The following NPTXR variants were observed in gnomAD, a reference collection of about 807,000 sequenced individuals.
The protein encoded by NPTXR is neuronal pentraxin receptor.
Under a neutral mutation model 32.2 loss-of-function variants are expected in NPTXR, and 12 were observed. That is an observed-to-expected ratio of 0.37 (90% CI 0.24 to 0.60). NPTXR has a LOEUF of 0.60. NPTXR is among the 20% of genes least tolerant of loss of function. The pLI is 0.66. For synonymous variants in NPTXR, 323 were observed against 315.8 expected (o/e 1.02, Z -0.24); for missense variants, 612 against 682.9 (o/e 0.90, Z 1.16).
In NPTXR at chr22:38,819,941, A is replaced by G. The variant is rs560600605; in HGVS notation, c.*2668T>C. Reference sequence around the variant, plus strand: ...ACAAGGCTTGGACGTCAGAGGTCTCATCTTCACTGTGACAAAGCATAAAGG... The same window carrying G: ...ACAAGGCTTGGACGTCAGAGGTCTCGTCTTCACTGTGACAAAGCATAAAGG... On this transcript the variant is annotated 3_prime_UTR_variant, in exon 5 of 5. Coordinates refer to ENST00000333039, the MANE Select transcript of NPTXR (RefSeq NM_014293.4). The G allele has an allele frequency of 5.9e-5, 9 of 152,768 alleles. No individual in the cohort carries two copies. Among genetic ancestry groups the G allele is most frequent in the African/African-American group, 2.2e-4 (9 of 41,568 alleles). 9.5% of individuals were successfully genotyped at this position (152,768 alleles called of 1,614,324 possible). A position where few individuals can be genotyped will look rare whatever the true frequency, so the allele number is the denominator to read the frequency against.
chr22:38,843,516 C>T lies in NPTXR; in HGVS notation c.343G>A (p.Ala115Thr). The change falls in exon 1 of 5, where the codon GCT becomes ACT. Residue 115 changes from alanine to threonine, a missense_variant. Transcript: ENST00000333039. This position sits in a 1 kb window ranked among gnomAD's most constrained non-coding sequence, Gnocchi z 5.3. ...AGCTCTTCGCGCTCGCCCGGCGCAG[C>T]GCCCGCCGCGTCCCCCTGCTGGGCC... 1 of 1,270,916 alleles carries T rather than the reference C, an allele frequency of 7.9e-7. No homozygotes were observed. Among genetic ancestry groups the T allele is most frequent in the Non-Finnish European group, 9.9e-7 (1 of 1,009,944 alleles). The allele number at this position is 1,270,916 out of a possible 1,614,324, so 78.7% of individuals were successfully genotyped here. A position where few individuals can be genotyped will look rare whatever the true frequency, so the allele number is the denominator to read the frequency against.
At chr22:38,824,540 T>C (rs1424097105) in intron 3 of NPTXR, among the ~76,000 whole-genome samples, 1 of 152,058 alleles carries the variant, frequency 6.6e-6, no homozygotes, top group African/African-American at 2.4e-5. Flanking sequence ...GGACAATGGA[T>C]CCACCATTCC....
intron 1 of NPTXR, among the ~76,000 whole-genome samples, chr22:38,838,192 C>A (rs1317860017): frequency 6.6e-6 from 1 of 151,870 alleles, no homozygotes; most frequent in Non-Finnish European, 1.5e-5. Flanking sequence ...AAGCATGTTT[C>A]GGGCGTATCT....
chr22:38,833,984 C>T (rs2054096305), intron 1 of NPTXR, among the ~76,000 whole-genome samples: 1 of 152,108 alleles, frequency 6.6e-6, no homozygotes, highest in Admixed American at 6.6e-5. Flanking sequence ...AGTATTTATG[C>T]CTTTTTGCCC....
At chr22:38,831,375 C>G (rs1309751335) in intron 1 of NPTXR, among the ~76,000 whole-genome samples, 1 of 152,144 alleles carries the variant, frequency 6.6e-6, no homozygotes, top group East Asian at 1.9e-4. Flanking sequence ...CCACTGCACT[C>G]CAGCCTGAGC....
In NPTXR at chr22:38,843,954, CGCGGGA is replaced by C; in HGVS notation, c.-102_-97del. On this transcript the variant is annotated 5_prime_UTR_variant, in exon 1 of 5. Transcript: ENST00000333039. The surrounding 1 kb of genome is among the most constrained non-coding windows in gnomAD (Gnocchi z 5.3). ...GGCGCGCTGGGCCGAGCGGGGCAGG[CGCGGGA>C]GCCGGAGCCGGAGCCGGAGCCGGAG... 1.4e-6 allele frequency: 1 copy of C among 722,362 alleles called. No homozygotes were observed. The highest frequency in any genetic ancestry group is 1.7e-6 in the Non-Finnish European group (1 of 592,138). 44.7% of individuals were successfully genotyped at this position (722,362 alleles called of 1,614,324 possible). A position where few individuals can be genotyped will look rare whatever the true frequency, so the allele number is the denominator to read the frequency against.
At chr22:38,824,122 G>A (rs1173885460) in intron 3 of NPTXR, among the ~76,000 whole-genome samples, 3 of 149,526 alleles carry the variant, frequency 2.0e-5, no homozygotes, top group Non-Finnish European at 3.0e-5. Flanking sequence ...GATTACAGGC[G>A]TGCACCACCA....
At chr22:38,828,784 G>A (rs1020730473) in intron 1 of NPTXR, among the ~76,000 whole-genome samples, 1 of 152,230 alleles carries the variant, frequency 6.6e-6, no homozygotes, top group Non-Finnish European at 1.5e-5. Flanking sequence ...GGTGTGGGGC[G>A]TGGCCATGAG....
At chr22:38,829,727 G>T (rs911115092) in intron 1 of NPTXR, among the ~76,000 whole-genome samples, 3 of 152,208 alleles carry the variant, frequency 2.0e-5, no homozygotes, top group Non-Finnish European at 4.4e-5. Context: ...TTCAGTCACT[G>T]AGCAAACATT....
rs986054928 is a variant in NPTXR at position 38,836,054 on chromosome 22, G to A, written c.624+7181C>T. 3.3e-5 allele frequency among the ~76,000 whole-genome samples: 5 copies of A among 152,252 alleles called. No homozygotes were observed. The South Asian group carries it at 6.2e-4, about 19-fold the overall frequency. On this transcript the variant is annotated intron_variant, in intron 1 of 4. Coordinates refer to ENST00000333039, the MANE Select transcript of NPTXR (RefSeq NM_014293.4). ...ATAAACATAAGAAAAGGTGCTCAAC[G>A]TCATGAATCATCAGAGCAATACAAA...
chr22:38,836,486 G>A (rs527307454), intron 1 of NPTXR, among the ~76,000 whole-genome samples: 1 of 152,254 alleles, frequency 6.6e-6, no homozygotes, highest in Non-Finnish European at 1.5e-5. Context: ...GACATTGAAT[G>A]AAAGATCACC....
At chr22:38,835,784 C>T (rs984510947) in intron 1 of NPTXR, among the ~76,000 whole-genome samples, 1 of 152,186 alleles carries the variant, frequency 6.6e-6, no homozygotes, top group African/African-American at 2.4e-5. Flanking sequence ...GGGCAGGTCC[C>T]TCAGCCTCTC....
chr22:38,837,131 C>A (rs1033752366), intron 1 of NPTXR, among the ~76,000 whole-genome samples: 1 of 152,202 alleles, frequency 6.6e-6, no homozygotes, highest in Non-Finnish European at 1.5e-5. Context: ...GCTTTCAAAT[C>A]TCCATTTCAG....
chr22:38,842,689 G>A (rs2093133312), intron 1 of NPTXR, among the ~76,000 whole-genome samples: 1 of 152,184 alleles, frequency 6.6e-6, no homozygotes, highest in Non-Finnish European at 1.5e-5. Context: ...GCCAGAGTGG[G>A]AGATTCAGGG....
At chr22:38,827,231 T>C (rs2093108565) in intron 2 of NPTXR, among the ~76,000 whole-genome samples, 1 of 149,620 alleles carries the variant, frequency 6.7e-6, no homozygotes, top group Admixed American at 6.7e-5. Flanking sequence ...GGATATTCTT[T>C]CTTTTCTTTT....
chr22:38,826,704 G>A lies in NPTXR; in HGVS notation c.894C>T (p.Ile298=), dbSNP rs1036313324. The change falls in exon 3 of 5, where the codon ATC becomes ATT. Residue 298 remains isoleucine, a synonymous_variant. Transcript: ENST00000333039. ...CGTACATGTAGTTGTTACGGATGGGGATGCTGATCTTGAAGGCATCTGGAG... is the reference window on the plus strand; with the variant it reads ...CGTACATGTAGTTGTTACGGATGGGAATGCTGATCTTGAAGGCATCTGGAG... The A allele has an allele frequency of 1.2e-6, 2 of 1,614,238 alleles. No individual in the cohort carries two copies. Among genetic ancestry groups the A allele is most frequent in the Non-Finnish European group, 1.7e-6 (2 of 1,180,026 alleles).
chr22:38,827,256 CTTT>C (rs1569327701), intron 2 of NPTXR, among the ~76,000 whole-genome samples: 2 of 143,284 alleles, frequency 1.4e-5, no homozygotes, highest in Non-Finnish European at 3.0e-5. Flanking sequence ...TTCTTTTTTT[CTTT>C]CTTTTTTTTT....
chr22:38,840,610 G>C lies in NPTXR; in HGVS notation c.624+2625C>G, dbSNP rs117467964. Among the ~76,000 whole-genome samples the C allele has an allele frequency of 3.9e-5, 6 of 152,220 alleles. No homozygotes were observed. The East Asian group carries it at 1.2e-3, about 29-fold the overall frequency. On this transcript the variant is annotated intron_variant, in intron 1 of 4. Transcript: ENST00000333039. ...CACATGGAGGTACCTGGTTCAAGCT[G>C]AAACACAGTGTGGTTAGGGGGCTGA...
At chr22:38,828,851 C>G (rs1339246861) in intron 1 of NPTXR, among the ~76,000 whole-genome samples, 1 of 152,230 alleles carries the variant, frequency 6.6e-6, no homozygotes, top group Non-Finnish European at 1.5e-5. Context: ...ACGCCCCACC[C>G]TAGTCCTTCA....
Sources: allele counts gnomAD v4.1 joint callset (sites outside exome capture counted in the v4.1 genomes callset), GRCh38; gene constraint gnomAD v4.1.1; non-coding constraint Gnocchi (gnomAD v3.1); transcripts MANE v1.5; gene names NCBI Gene and HGNC (gene_info 2026-07-23, HGNC 2026-07-21).